NAV2: variants seen among roughly 807,000 people sequenced by gnomAD.
NAV2 encodes neuron navigator 2.
NAV2 carries 54 observed loss-of-function variants against 223.2 expected under a neutral mutation model. The observed-to-expected ratio is 0.24, with a 90% CI of 0.19 to 0.30. The LOEUF (loss-of-function observed/expected upper bound fraction) is 0.30. Ranked by LOEUF, NAV2 falls within the 10% of genes least tolerant of loss-of-function variation. The pLI is 1.00. For synonymous variants in NAV2, 1,279 were observed against 1,239.3 expected, an observed-to-expected ratio of 1.03 and a Z score of -0.67; for missense variants, 2,806 against 3,147.5, an observed-to-expected ratio of 0.89 and a Z score of 2.60.
At chr11:19,551,742 A>AG (rs1457958655) in intron 1 of NAV2, among the ~76,000 whole-genome samples, 1 of 151,616 alleles carries the variant, frequency 6.6e-6, no homozygotes, top group Non-Finnish European at 1.5e-5. Flanking sequence ...TGGTGGGGGA[A>AG]AAAATGGTTA....
chr11:19,351,147 G>A lies in NAV2; in HGVS notation c.75+120G>A, dbSNP rs566116081. On this transcript the variant is annotated intron_variant, in intron 1 of 37. Coordinates refer to the NAV2 transcript ENST00000360655. ...CTGTCTTTCTCTCCGGAAGGAGGTA[G>A]CATGGTGGCTTGAGATTTGCTATGT... The A allele has an allele frequency of 1.2e-5, 12 of 999,506 alleles. No individual in the cohort carries two copies. The South Asian group carries it at 1.7e-4, about 14-fold the overall frequency. 61.9% of individuals were successfully genotyped at this position (999,506 alleles called of 1,614,324 possible).
chr11:19,941,225 C>A lies in NAV2; in HGVS notation c.2146+1452C>A, dbSNP rs2585770. Among the ~76,000 whole-genome samples the A allele has an allele frequency of 3.3e-3, 500 of 152,156 alleles. 2 individuals are homozygous for A. The highest frequency in any genetic ancestry group is 0.01 in the African/African-American group (420 of 41,506). ...TTTTTCTTTTTATCTCCATGTCTCCCCTGTACCAGGCCTTAAGAGCTCAGA... is the reference window on the plus strand; with the variant it reads ...TTTTTCTTTTTATCTCCATGTCTCCACTGTACCAGGCCTTAAGAGCTCAGA... On this transcript the variant is annotated intron_variant, in intron 8 of 37. Transcript: ENST00000349880.
chr11:19,750,257 A>G (rs1474211268), intron 1 of NAV2, among the ~76,000 whole-genome samples: 2 of 152,152 alleles, frequency 1.3e-5, no homozygotes, highest in African/African-American at 4.8e-5. Context: ...CTTCACATGC[A>G]AGGTTTGGCA....
chr11:19,732,191 G>A (rs193218343), intron 1 of NAV2, among the ~76,000 whole-genome samples: 5 of 152,020 alleles, frequency 3.3e-5, no homozygotes, highest in Non-Finnish European at 5.9e-5. Flanking sequence ...CCCAGGAGGC[G>A]GAGGTTGCAG....
At chr11:20,033,429 T>C (rs1428631747) in intron 11 of NAV2, among the ~76,000 whole-genome samples, 1 of 152,132 alleles carries the variant, frequency 6.6e-6, no homozygotes, top group African/African-American at 2.4e-5. Context: ...GAATTTAAAG[T>C]AGGAGATGAT....
At chr11:19,897,050 G>T in intron 6 of NAV2, among the ~76,000 whole-genome samples, 1 of 152,050 alleles carries the variant, frequency 6.6e-6, no homozygotes, top group East Asian at 1.9e-4. Flanking sequence ...ATACTATGCA[G>T]CCATAAAAAA....
chr11:19,946,412 G>C lies in NAV2; in HGVS notation c.2158G>C (p.Glu720Gln). 1 of 1,612,482 alleles carries C rather than the reference G, an allele frequency of 6.2e-7. No individual in the cohort carries two copies. Residue 720 changes from glutamate to glutamine, a missense_variant, in exon 9 of 38, where the codon GAG becomes CAG. Glu to Gln is a conservative substitution (Grantham distance 29). Around this residue, in one of 4 missense-constraint regions of NAV2, gnomAD observed 1,167 missense variants for 1,180.5 expected, o/e 0.99. Transcript: ENST00000349880. ...ALEELTGEDP[E>Q]ARRLRTVKNI... Reference sequence around the variant, plus strand: ...CCTCATCTTTCTAGGGGAAGATCCTGAGGCTCGGCGGCTGCGGACAGTGAA... The same window carrying C: ...CCTCATCTTTCTAGGGGAAGATCCTCAGGCTCGGCGGCTGCGGACAGTGAA...
At chr11:20,059,266 C>T (rs758816931) in intron 19 of NAV2, among the ~76,000 whole-genome samples, 62 of 152,164 alleles carry the variant, frequency 4.1e-4, no homozygotes, top group Non-Finnish European at 5.7e-4. Flanking sequence ...CCTAGATCCA[C>T]ATTCTCTTTC....
chr11:19,661,569 T>C lies in NAV2; in HGVS notation c.76-170915T>C, dbSNP rs188984651. On this transcript the variant is annotated intron_variant, in intron 1 of 37. Coordinates refer to the NAV2 transcript ENST00000360655. ...AAGACCAGACAGACCTGGATTGTAATCCTGGCTTTGTAGCCTCATTAGCTT... is the reference window on the plus strand; with the variant it reads ...AAGACCAGACAGACCTGGATTGTAACCCTGGCTTTGTAGCCTCATTAGCTT... Among the ~76,000 whole-genome samples, 485 of 152,298 alleles carry C rather than the reference T, an allele frequency of 3.2e-3. 3 individuals carry two copies. The highest frequency in any genetic ancestry group is 2.5e-3 in the Non-Finnish European group (171 of 68,036).
intron 6 of NAV2, among the ~76,000 whole-genome samples, chr11:19,929,501 C>G (rs2063515941): frequency 6.6e-6 from 1 of 152,126 alleles, no homozygotes; most frequent in African/African-American, 2.4e-5. Context: ...ACTCAAGACT[C>G]CTGCTCTAGA....
chr11:19,882,694 C>T (rs537585408), intron 5 of NAV2, among the ~76,000 whole-genome samples: 45 of 152,330 alleles, frequency 3.0e-4, no homozygotes, highest in South Asian at 2.5e-3. Context: ...CTACTACTAA[C>T]GAGTGCTTTA....
intron 1 of NAV2, among the ~76,000 whole-genome samples, chr11:19,472,459 T>A (rs1368227046): frequency 6.6e-6 from 1 of 152,206 alleles, no homozygotes; most frequent in Non-Finnish European, 1.5e-5. Context: ...ATGTATCATG[T>A]AAATATAAGT....
At position 19,604,886 on chromosome 11, in the gene NAV2, C is replaced by A. The variant is rs144624253; in HGVS notation, c.76-227598C>A. On this transcript the variant is annotated intron_variant, in intron 1 of 37. Transcript: ENST00000360655. Reference sequence around the variant, plus strand: ...GGTTTTAAAAATGGGACTTTCCCTGCACAAGCTCTCTCTTTGCCTGCTGCC... The same window carrying A: ...GGTTTTAAAAATGGGACTTTCCCTGAACAAGCTCTCTCTTTGCCTGCTGCC... Among the ~76,000 whole-genome samples the A allele has an allele frequency of 9.6e-3, 1,461 of 152,240 alleles. 19 individuals carry two copies. The highest frequency in any genetic ancestry group is 0.038 in the South Asian group (181 of 4,814).
chr11:19,621,301 T>C (rs1464146731), intron 1 of NAV2, among the ~76,000 whole-genome samples: 2 of 152,202 alleles, frequency 1.3e-5, no homozygotes, highest in Non-Finnish European at 2.9e-5. Context: ...CCTCTTTTTC[T>C]ATTGATTGGA....
intron 10 of NAV2, among the ~76,000 whole-genome samples, chr11:19,955,195 C>T (rs1034919082): frequency 2.6e-5 from 4 of 151,916 alleles, no homozygotes; most frequent in Non-Finnish European, 5.9e-5. Flanking sequence ...TCATTTGAGC[C>T]TAGGAGTTCA....
rs192509737 is a variant in NAV2, at chr11:19,416,287, C to G, written c.75+65260C>G. ...TCAATGTGCAAAAATCACAAGCATTCCTATACACCAATAATAGACAAACAG... is the reference window on the plus strand; with the variant it reads ...TCAATGTGCAAAAATCACAAGCATTGCTATACACCAATAATAGACAAACAG... On this transcript the variant is annotated intron_variant, in intron 1 of 37. Coordinates refer to the NAV2 transcript ENST00000360655. Among the ~76,000 whole-genome samples the G allele has an allele frequency of 7.4e-4, 112 of 152,252 alleles. 1 individual carries two copies. The highest frequency in any genetic ancestry group is 2.7e-3 in the African/African-American group (111 of 41,520).
chr11:19,778,070 G>T (rs148811538), intron 1 of NAV2: 1 of 430,618 alleles, frequency 2.3e-6, no homozygotes, highest in Non-Finnish European at 4.7e-6. Context: ...CAGGGTGCAG[G>T]TACTTTTTCC....
At chr11:19,876,071 G>T (rs746077707) in intron 4 of NAV2, among the ~76,000 whole-genome samples, 7 of 152,128 alleles carry the variant, frequency 4.6e-5, no homozygotes, top group Non-Finnish European at 7.3e-5. Flanking sequence ...TGTTGACCAG[G>T]CTGGAGTGCA....
At chr11:20,089,301 G>A (rs910717758) in intron 26 of NAV2, among the ~76,000 whole-genome samples, 1 of 152,108 alleles carries the variant, frequency 6.6e-6, no homozygotes, top group South Asian at 2.1e-4. Context: ...AATCAAAAAA[G>A]TTCAGGTTCA....
Sources: gnomAD v4.1 joint callset for allele counts (sites outside exome capture counted in the v4.1 genomes callset) on GRCh38, gnomAD v4.1.1 for gene constraint, gnomAD v4.1.1 regional missense constraint, MANE v1.5 for transcripts, NCBI Gene and HGNC (gene_info 2026-07-23, HGNC 2026-07-21) for gene names.